The following LINGO2 variants were observed in gnomAD, a reference collection of about 807,000 sequenced individuals.
LINGO2 encodes the protein leucine-rich repeat and immunoglobulin-like domain-containing nogo receptor-interacting protein 2.
LINGO2 carries 14 observed loss-of-function variants against 30.6 expected under a neutral mutation model. The ratio of observed to expected loss-of-function variants is 0.46; its 90% CI spans 0.30 to 0.72. The LOEUF (loss-of-function observed/expected upper bound fraction) is 0.72, where lower values mean the gene tolerates loss of function less well. Among genes scored for constraint, LINGO2 ranks in the 30% least tolerant of loss-of-function variants. LINGO2 has a pLI of 0.07. For synonymous variants in LINGO2, 317 were observed against 288.5 expected, an observed-to-expected ratio of 1.10 and a Z score of -1.00; for missense variants, 729 against 751.7, an observed-to-expected ratio of 0.97 and a Z score of 0.35.
intron 3 of LINGO2, among the ~76,000 whole-genome samples, chr9:28,357,957 G>A (rs548342993): frequency 2.0e-5 from 3 of 152,172 alleles, no homozygotes; most frequent in Non-Finnish European, 4.4e-5. Flanking sequence ...TCCTGGGATA[G>A]AAAAGGGTAA....
At chr9:28,464,439 C>T (rs16923863) in intron 2 of LINGO2, among the ~76,000 whole-genome samples, 1,963 of 152,146 alleles carry the variant, frequency 0.013, 36 homozygotes, top group African/African-American at 0.044. Flanking sequence ...TGGTTGTTTT[C>T]GTTTGCTGTA....
exon 6 of LINGO2, chr9:27,949,105 C>G: frequency 6.2e-7 from 1 of 1,614,158 alleles, no homozygotes; most frequent in Admixed American, 1.7e-5. Context: ...GAAATGGTGT[C>G]ATTGGAGTCG....
At chr9:28,863,057 G>A in the LINGO2 span, among the ~76,000 whole-genome samples, 1 of 152,020 alleles carries the variant, frequency 6.6e-6, no homozygotes. Flanking sequence ...TGAATGCCCA[G>A]TGAATACCTA....
At chr9:29,007,362 C>T in the LINGO2 span, among the ~76,000 whole-genome samples, 1 of 152,054 alleles carries the variant, frequency 6.6e-6, no homozygotes, top group African/African-American at 2.4e-5. Flanking sequence ...TTTCTCTGTA[C>T]TCCATTATAT....
At chr9:28,965,217 C>A in the LINGO2 span, among the ~76,000 whole-genome samples, 1 of 151,596 alleles carries the variant, frequency 6.6e-6, no homozygotes, top group African/African-American at 2.4e-5. Context: ...ATTTATTTGC[C>A]CCAGATAAGT....
chr9:29,160,338 T>TG, the LINGO2 span, among the ~76,000 whole-genome samples: 1 of 152,228 alleles, frequency 6.6e-6, no homozygotes, highest in Non-Finnish European at 1.5e-5. Flanking sequence ...GGTCAAATGT[T>TG]GGTTCCACCA....
the LINGO2 span, among the ~76,000 whole-genome samples, chr9:29,190,747 T>C: frequency 1.4e-4 from 22 of 152,312 alleles, 1 homozygote; most frequent in South Asian, 1.4e-3. Context: ...GTTCAAAATT[T>C]CCATATTATG....
chr9:27,950,817 A>G, intron 5 of LINGO2, 111 bp from the exon 7 acceptor site: 2 of 518,198 alleles, frequency 3.9e-6, no homozygotes, highest in Non-Finnish European at 6.2e-6. Flanking sequence ...TGGATTTGGA[A>G]TCAATCAGAT....
chr9:29,199,372 C>T, the LINGO2 span, among the ~76,000 whole-genome samples: 42 of 152,110 alleles, frequency 2.8e-4, no homozygotes, highest in African/African-American at 9.6e-4. Flanking sequence ...ATCCACTGTA[C>T]CACTTGAAGA....
chr9:28,161,713 C>T (rs971851582), intron 4 of LINGO2, among the ~76,000 whole-genome samples: 1 of 151,660 alleles, frequency 6.6e-6, no homozygotes, highest in African/African-American at 2.4e-5. Context: ...ATTCAGTCAC[C>T]TATAATCTAG....
At chr9:28,816,883 G>A in the LINGO2 span, among the ~76,000 whole-genome samples, 1 of 152,136 alleles carries the variant, frequency 6.6e-6, no homozygotes, top group Non-Finnish European at 1.5e-5. Flanking sequence ...AGGAACTAAC[G>A]AAGAGTACCC....
chr9:28,038,849 C>T (rs1824068895), intron 4 of LINGO2, among the ~76,000 whole-genome samples: 2 of 152,230 alleles, frequency 1.3e-5, no homozygotes, highest in South Asian at 4.1e-4. Context: ...TCGCAAACCA[C>T]AGCAATATTT....
the LINGO2 span, among the ~76,000 whole-genome samples, chr9:28,736,731 G>A: frequency 6.6e-6 from 1 of 151,974 alleles, no homozygotes; most frequent in Non-Finnish European, 1.5e-5. Flanking sequence ...GGCAGAGGTT[G>A]CAGTGAGCCG....
the LINGO2 span, among the ~76,000 whole-genome samples, chr9:28,856,077 C>A: frequency 6.6e-5 from 10 of 152,122 alleles, no homozygotes; most frequent in Middle Eastern, 3.4e-3. Flanking sequence ...ATTCCTGCTA[C>A]ATTTTTGGGG....
At chr9:28,663,410 A>G (rs1321429706) in intron 1 of LINGO2, among the ~76,000 whole-genome samples, 4 of 152,108 alleles carry the variant, frequency 2.6e-5, no homozygotes, top group Non-Finnish European at 5.9e-5. Context: ...ACCTCAGATG[A>G]TCCACCTGCC....
the LINGO2 span, among the ~76,000 whole-genome samples, chr9:28,847,953 A>C: frequency 2.6e-5 from 2 of 75,514 alleles, no homozygotes. Flanking sequence ...GTATGCATAT[A>C]TATACACACA....
At chr9:28,993,237 C>G in the LINGO2 span, among the ~76,000 whole-genome samples, 2 of 152,044 alleles carry the variant, frequency 1.3e-5, no homozygotes, top group East Asian at 3.9e-4. Context: ...ACTACAAACA[C>G]CTCTATGCAA....
chr9:29,157,908 A>G, the LINGO2 span, among the ~76,000 whole-genome samples: 1 of 152,300 alleles, frequency 6.6e-6, no homozygotes, highest in East Asian at 1.9e-4. Flanking sequence ...TATGTTTTCT[A>G]AGCTTTAAAA....
the LINGO2 span, among the ~76,000 whole-genome samples, chr9:28,806,632 C>T: frequency 4.1e-3 from 625 of 152,182 alleles, 7 homozygotes; most frequent in African/African-American, 0.014. Flanking sequence ...ACTAGGGCAC[C>T]AGGTTTATAT....
Sources: gnomAD v4.1 joint callset for allele counts (sites outside exome capture counted in the v4.1 genomes callset) on GRCh38, gnomAD v4.1.1 for gene constraint, MANE v1.5 for transcripts, NCBI Gene and HGNC (gene_info 2026-07-23, HGNC 2026-07-21) for gene names.